Variants in MIB1 observed in about 807,000 individuals in gnomAD.
MIB1 encodes E3 ubiquitin-protein ligase MIB1.
In MIB1, 278 loss-of-function variants were observed where a neutral mutation model predicts 124.5. The ratio of observed to expected loss-of-function variants is 2.23; its 90% CI spans 2.02 to 2.47. MIB1 has a LOEUF of 2.47. MIB1 is among the 30% of genes most tolerant of loss of function. The pLI, the probability that MIB1 is intolerant of heterozygous loss-of-function variation, is 0.00. For synonymous variants in MIB1, 446 were observed against 429.4 expected (o/e 1.04, Z -0.48); for missense variants, 957 against 1,254.4 (o/e 0.76, Z 3.58).
At chr18:21,771,018 T>G (rs2041218758) in intron 3 of MIB1, among the ~76,000 whole-genome samples, 7 of 152,214 alleles carry the variant, frequency 4.6e-5, no homozygotes, top group Admixed American at 3.9e-4. Flanking sequence ...TGTGATGCTG[T>G]GTATTTTCTA....
At chr18:21,772,736 T>C (rs932255145) in intron 3 of MIB1, among the ~76,000 whole-genome samples, 2 of 151,990 alleles carry the variant, frequency 1.3e-5, no homozygotes, top group African/African-American at 4.8e-5. Context: ...GTGTGGGGCT[T>C]GGAGATGTTG....
rs181934246 is a variant in MIB1 at position 21,848,225 on chromosome 18, C to T, written c.2394-971C>T. On this transcript the variant is annotated intron_variant, in intron 16 of 20. Transcript: ENST00000261537. Reference sequence around the variant, plus strand: ...CTGTAATCTGAGCACTTTGGGAGGCCGAGGCAGGTGGATTGAGGTCAGGAG... The same window carrying T: ...CTGTAATCTGAGCACTTTGGGAGGCTGAGGCAGGTGGATTGAGGTCAGGAG... Among the ~76,000 whole-genome samples, 35 of 152,118 alleles carry T rather than the reference C, an allele frequency of 2.3e-4. No homozygotes were observed. The East Asian group carries it at 6.2e-3, about 27-fold the overall frequency.
intron 20 of MIB1, among the ~76,000 whole-genome samples, chr18:21,862,204 TA>T (rs11345193): frequency 0.97 from 147,350 of 152,272 alleles, 71,514 homozygotes; most frequent in East Asian, 1. Context: ...GCCGGCTTTT[TA>T]AAAATCTAAA....
At chr18:21,737,722 T>G (rs1251170064), upstream of MIB1, among the ~76,000 whole-genome samples, 1 of 152,140 alleles carries the variant, frequency 6.6e-6, no homozygotes, top group Non-Finnish European at 1.5e-5. Context: ...AGGCAAGGGT[T>G]GCAATCCTAG....
chr18:21,726,107 T>A (rs561154739), intron 1 of MIB1, among the ~76,000 whole-genome samples: 4 of 152,028 alleles, frequency 2.6e-5, no homozygotes, highest in Admixed American at 2.6e-4. Context: ...AGGCTGGGAA[T>A]GGGGGCTCAC....
intron 7 of MIB1, among the ~76,000 whole-genome samples, chr18:21,797,353 G>A (rs1209520362): frequency 3.9e-5 from 6 of 152,018 alleles, no homozygotes; most frequent in Admixed American, 3.9e-4. Flanking sequence ...AAAAAGTTGA[G>A]GGGAAAAAAC....
chr18:21,851,658 G>A (rs2042181181), intron 17 of MIB1, among the ~76,000 whole-genome samples: 1 of 152,160 alleles, frequency 6.6e-6, no homozygotes, highest in South Asian at 2.1e-4. Flanking sequence ...GAATTAACAT[G>A]AACTATTTCA....
intron 2 of MIB1, among the ~76,000 whole-genome samples, chr18:21,768,191 G>A (rs1417980652): frequency 6.6e-6 from 1 of 152,206 alleles, no homozygotes; most frequent in African/African-American, 2.4e-5. Context: ...ATAGTGAAGA[G>A]TATAGTGATA....
At chr18:21,718,456 C>A (rs1369185831) in intron 1 of MIB1, among the ~76,000 whole-genome samples, 1 of 152,122 alleles carries the variant, frequency 6.6e-6, no homozygotes, top group East Asian at 1.9e-4. Flanking sequence ...TCTGCCAACC[C>A]AGCTGAAGTG....
chr18:21,743,589 T>G (rs2040880508), intron 1 of MIB1, among the ~76,000 whole-genome samples: 1 of 152,230 alleles, frequency 6.6e-6, no homozygotes, highest in African/African-American at 2.4e-5. Context: ...GAGTTGAAAC[T>G]GCCAGCAACA....
intron 10 of MIB1, among the ~76,000 whole-genome samples, chr18:21,806,438 G>A (rs2041707546): frequency 6.6e-6 from 1 of 152,042 alleles, no homozygotes; most frequent in African/African-American, 2.4e-5. Context: ...CTGGACTCAA[G>A]TGATCCTCCT....
At chr18:21,805,959 A>G (rs2041700986) in intron 10 of MIB1, among the ~76,000 whole-genome samples, 1 of 131,098 alleles carries the variant, frequency 7.6e-6, no homozygotes, top group Admixed American at 9.3e-5. Context: ...GCTGGAATGC[A>G]GTTGAGTGTT....
intron 10 of MIB1, among the ~76,000 whole-genome samples, chr18:21,813,226 GAAAA>G (rs751145137): frequency 1.1e-4 from 12 of 112,172 alleles, no homozygotes; most frequent in African/African-American, 3.9e-4. Flanking sequence ...AACTGTAACA[GAAAA>G]AAAAAAAAAG....
chr18:21,863,947 A>AGTGAGCC (rs1366295623), intron 20 of MIB1, among the ~76,000 whole-genome samples: 2 of 152,118 alleles, frequency 1.3e-5, no homozygotes, highest in African/African-American at 4.8e-5. Flanking sequence ...CGGAGGTTGC[A>AGTGAGCC]GTGAGCCGAG....
At chr18:21,788,399 T>G (rs112289997) in intron 6 of MIB1, among the ~76,000 whole-genome samples, 2,882 of 152,248 alleles carry the variant, frequency 0.019, 41 homozygotes, top group East Asian at 0.069. Context: ...GCAGAAAAAG[T>G]ACTTGACAAA....
At chr18:21,828,274 GT>G (rs2041945372) in intron 12 of MIB1, 2 of 151,852 alleles carry the variant, frequency 1.3e-5, no homozygotes, top group Non-Finnish European at 2.9e-5. Context: ...TTGGTAGTCT[GT>G]TACCAATATA....
intron 6 of MIB1, among the ~76,000 whole-genome samples, chr18:21,781,407 A>AC (rs2041365057): frequency 2.4e-5 from 2 of 82,088 alleles, no homozygotes; most frequent in East Asian, 8.7e-4. Context: ...ATATATATAT[A>AC]TATATATAAA....
At chr18:21,859,755 G>A (rs1479816468) in intron 20 of MIB1, among the ~76,000 whole-genome samples, 5 of 151,728 alleles carry the variant, frequency 3.3e-5, no homozygotes, top group Admixed American at 6.6e-5. Flanking sequence ...CAGGCATGGT[G>A]GCGCGCACCT....
intron 12 of MIB1, among the ~76,000 whole-genome samples, chr18:21,831,883 A>G (rs1489925553): frequency 6.6e-6 from 1 of 152,230 alleles, no homozygotes; most frequent in African/African-American, 2.4e-5. Flanking sequence ...TGCTGCCAAA[A>G]TACATTTTAT....
Sources: allele counts gnomAD v4.1 joint callset (sites outside exome capture counted in the v4.1 genomes callset), GRCh38; gene constraint gnomAD v4.1.1; transcripts MANE v1.5; gene names NCBI Gene and HGNC (gene_info 2026-07-23, HGNC 2026-07-21).